Variants in WNT7A observed in about 807,000 individuals in gnomAD.
WNT7A encodes the protein protein Wnt-7a.
In WNT7A, 16 loss-of-function variants were observed where a neutral mutation model predicts 28.2. The ratio of observed to expected loss-of-function variants is 0.57; its 90% CI spans 0.38 to 0.86. The LOEUF is 0.86. WNT7A is among the 40% of genes least tolerant of loss of function. The pLI is 0.00. For synonymous variants in WNT7A, 190 were observed against 195.9 expected (o/e 0.97, Z 0.25); for missense variants, 411 against 489.7 (o/e 0.84, Z 1.52).
intron 2 of WNT7A, among the ~76,000 whole-genome samples, chr3:13,863,469 GC>G (rs1271317476): frequency 7.2e-5 from 11 of 152,116 alleles, no homozygotes; most frequent in Admixed American, 5.9e-4. Context: ...CATGTTGCAT[GC>G]GCACGCACGC....
chr3:13,869,037 A>C (rs951451523), intron 2 of WNT7A, among the ~76,000 whole-genome samples: 4 of 150,470 alleles, frequency 2.7e-5, no homozygotes, highest in African/African-American at 4.9e-5. Context: ...AAAGTGAGAG[A>C]GAGAGAAAGG....
intron 2 of WNT7A, among the ~76,000 whole-genome samples, chr3:13,870,761 C>T (rs998463283): frequency 2.6e-5 from 4 of 152,240 alleles, no homozygotes; most frequent in East Asian, 3.8e-4. Context: ...GTGCAAAGGC[C>T]GTCCCGCTGC....
intron 2 of WNT7A, among the ~76,000 whole-genome samples, chr3:13,858,636 T>C (rs1166291038): frequency 6.6e-6 from 1 of 152,086 alleles, no homozygotes; most frequent in Non-Finnish European, 1.5e-5. Context: ...TCAAGTGCCA[T>C]GGCCTTCCCC....
intron 3 of WNT7A, among the ~76,000 whole-genome samples, chr3:13,821,774 G>T (rs1439516328): frequency 6.6e-6 from 1 of 152,196 alleles, no homozygotes; most frequent in Non-Finnish European, 1.5e-5. Context: ...GTTATTCCCA[G>T]GGCGGGGAGG....
chr3:13,856,887 GAAGAAAAAGAAGAAGAAGAAGAAGAA>G (rs1559303168), intron 2 of WNT7A, among the ~76,000 whole-genome samples: 14 of 68,540 alleles, frequency 2.0e-4, no homozygotes, highest in Admixed American at 7.6e-4. Flanking sequence ...AGAGGAAGAA[GAAGAAAAAGAAGAAGAAGAAGAAGAA>G]GAAGAAGAAG....
At chr3:13,826,803 G>T (rs1294280795) in intron 3 of WNT7A, among the ~76,000 whole-genome samples, 1 of 152,190 alleles carries the variant, frequency 6.6e-6, no homozygotes, top group African/African-American at 2.4e-5. Context: ...GACTGAGAAA[G>T]ATTGAAATTG....
chr3:13,843,106 G>A (rs1220107567), intron 3 of WNT7A, among the ~76,000 whole-genome samples: 1 of 152,140 alleles, frequency 6.6e-6, no homozygotes, highest in Admixed American at 6.5e-5. Flanking sequence ...ATGGCGACCT[G>A]GACCGCTCCT....
intron 2 of WNT7A, among the ~76,000 whole-genome samples, chr3:13,869,521 AAG>A (rs1385962822): frequency 6.8e-6 from 1 of 146,482 alleles, no homozygotes; most frequent in Non-Finnish European, 1.5e-5. Context: ...GAGAGAGAGA[AAG>A]AGAAAGAGAG....
At chr3:13,825,651 G>A (rs1439098369) in intron 3 of WNT7A, among the ~76,000 whole-genome samples, 1 of 152,228 alleles carries the variant, frequency 6.6e-6, no homozygotes, top group African/African-American at 2.4e-5. Flanking sequence ...TGTGATTAGT[G>A]CATAGCCTCC....
chr3:13,834,441 G>A (rs923433126), intron 3 of WNT7A, among the ~76,000 whole-genome samples: 9 of 152,078 alleles, frequency 5.9e-5, no homozygotes, highest in Non-Finnish European at 1.3e-4. Context: ...TGTGGGTTGG[G>A]TGCGTGCTGG....
At chr3:13,865,523 T>A (rs868395740) in intron 2 of WNT7A, among the ~76,000 whole-genome samples, 2 of 152,216 alleles carry the variant, frequency 1.3e-5, no homozygotes, top group South Asian at 4.1e-4. Context: ...GCTGCCCAGC[T>A]AGAATGGAGC....
intron 3 of WNT7A, among the ~76,000 whole-genome samples, chr3:13,839,403 G>A (rs1694422022): frequency 6.6e-6 from 1 of 152,244 alleles, no homozygotes; most frequent in African/African-American, 2.4e-5. Flanking sequence ...CCCGTAACAG[G>A]TGAAATATTA....
At position 13,873,343 on chromosome 3, in the gene WNT7A, A is replaced by C. The variant is rs993843670; in HGVS notation, c.298+1604T>G. ...CAAATGTCACCTGGTGACATTTGTCACCAGGTGTCATTTGGGTCACTGGTT... is the reference window on the plus strand; with the variant it reads ...CAAATGTCACCTGGTGACATTTGTCCCCAGGTGTCATTTGGGTCACTGGTT... On this transcript the variant is annotated intron_variant, in intron 2 of 3. Coordinates refer to ENST00000285018, the MANE Select transcript of WNT7A (RefSeq NM_004625.4). Among the ~76,000 whole-genome samples the C allele has an allele frequency of 3.3e-5, 5 of 151,858 alleles. No homozygotes were observed. In the East Asian group the frequency reaches 9.7e-4, roughly 30 times the overall value.
intron 3 of WNT7A, among the ~76,000 whole-genome samples, chr3:13,827,725 G>A (rs1343583102): frequency 1.3e-5 from 2 of 152,146 alleles, no homozygotes; most frequent in Non-Finnish European, 2.9e-5. Flanking sequence ...ATGACTGGAA[G>A]TGTCTGCCAC....
intron 2 of WNT7A, among the ~76,000 whole-genome samples, chr3:13,856,890 GAAAAAGAAGAAGAA>G (rs1559303180): frequency 6.4e-4 from 44 of 69,194 alleles, no homozygotes; most frequent in African/African-American, 2.5e-3. Flanking sequence ...GGAAGAAGAA[GAAAAAGAAGAAGAA>G]GAAGAAGAAG....
intron 2 of WNT7A, among the ~76,000 whole-genome samples, chr3:13,862,431 A>G (rs1694845432): frequency 6.6e-6 from 1 of 151,776 alleles, no homozygotes; most frequent in Non-Finnish European, 1.5e-5. Context: ...AGTGCATTGT[A>G]TTTTTTTTTC....
chr3:13,854,451 C>A, intron 3 of WNT7A, 81 bp downstream of exon 3: 1 of 1,605,698 alleles, frequency 6.2e-7, no homozygotes, highest in South Asian at 1.1e-5. Flanking sequence ...CCTCAACAGA[C>A]ACCCAGCACC....
intron 3 of WNT7A, among the ~76,000 whole-genome samples, chr3:13,825,970 T>G (rs916762888): frequency 3.9e-5 from 6 of 152,192 alleles, no homozygotes; most frequent in Non-Finnish European, 7.3e-5. Flanking sequence ...GTCATTCACC[T>G]TGAAATCCCC....
chr3:13,873,773 GT>G (rs1695061295), intron 2 of WNT7A, among the ~76,000 whole-genome samples: 1 of 152,202 alleles, frequency 6.6e-6, no homozygotes, highest in African/African-American at 2.4e-5. Context: ...CCTGGACAGG[GT>G]CAGGGGCATG....
Sources: gnomAD v4.1 joint callset for allele counts (sites outside exome capture counted in the v4.1 genomes callset) on GRCh38, gnomAD v4.1.1 for gene constraint, MANE v1.5 for transcripts, NCBI Gene and HGNC (gene_info 2026-07-23, HGNC 2026-07-21) for gene names.